The following SGMS1 variants were observed in gnomAD, a reference collection of about 807,000 sequenced individuals.
SGMS1 encodes the protein sphingomyelin synthase 1.
A neutral mutation model predicts 46.2 loss-of-function variants in SGMS1; 13 were observed. That is an observed-to-expected ratio of 0.28 (90% CI 0.18 to 0.45). SGMS1 has a LOEUF of 0.45. Among genes scored for constraint, SGMS1 ranks in the 20% least tolerant of loss-of-function variants. The pLI, the probability that SGMS1 is intolerant of heterozygous loss-of-function variation, is 1.00. For missense variants in SGMS1, 324 were observed against 519.9 expected (o/e 0.62, Z 3.66); for synonymous variants, 203 against 187.8 (o/e 1.08, Z -0.66).
At chr10:50,525,097 T>C (rs904417356) in intron 2 of SGMS1, among the ~76,000 whole-genome samples, 5 of 152,132 alleles carry the variant, frequency 3.3e-5, no homozygotes, top group African/African-American at 1.2e-4. Flanking sequence ...AGAAAAAGCA[T>C]TAAATCAAAG....
intron 6 of SGMS1, among the ~76,000 whole-genome samples, chr10:50,399,760 G>A (rs1461669177): frequency 4.6e-5 from 7 of 152,082 alleles, no homozygotes; most frequent in African/African-American, 9.7e-5. Context: ...CAGGCACGGC[G>A]GCTCACACCT....
At chr10:50,378,294 C>A (rs1232769310) in intron 6 of SGMS1, among the ~76,000 whole-genome samples, 1 of 152,146 alleles carries the variant, frequency 6.6e-6, no homozygotes, top group East Asian at 1.9e-4. Context: ...CAAAACAACT[C>A]TTTTTAAACT....
chr10:50,311,156 C>T, intron 9 of SGMS1, 106 bp downstream of exon 9: 2 of 1,356,144 alleles, frequency 1.5e-6, no homozygotes, highest in Non-Finnish European at 2.0e-6. Flanking sequence ...CCTGAAGCCT[C>T]CAGTCTTGCT....
At chr10:50,622,833 G>A (rs1838866760) in intron 1 of SGMS1, among the ~76,000 whole-genome samples, 1 of 152,238 alleles carries the variant, frequency 6.6e-6, no homozygotes, top group African/African-American at 2.4e-5. Flanking sequence ...CACTCTATCC[G>A]GCCCACGGGA....
intron 5 of SGMS1, among the ~76,000 whole-genome samples, chr10:50,448,111 T>G (rs1837048232): frequency 1.3e-5 from 2 of 152,126 alleles, no homozygotes; most frequent in Admixed American, 1.3e-4. Flanking sequence ...GAGCCTACTT[T>G]TGTCCCCACC....
intron 7 of SGMS1, chr10:50,334,835 T>C (rs1847689245): frequency 6.6e-6 from 1 of 152,166 alleles, no homozygotes; most frequent in Non-Finnish European, 1.5e-5. Flanking sequence ...GTTAGATAAG[T>C]GCTAAAGGGT....
At chr10:50,457,137 T>A (rs567264435) in intron 5 of SGMS1, among the ~76,000 whole-genome samples, 73 of 152,312 alleles carry the variant, frequency 4.8e-4, no homozygotes, top group Middle Eastern at 3.4e-3. Flanking sequence ...GGAATACTTA[T>A]AGCCACTAAA....
chr10:50,438,731 A>G (rs541998224), intron 5 of SGMS1, among the ~76,000 whole-genome samples: 93 of 152,188 alleles, frequency 6.1e-4, no homozygotes, highest in Non-Finnish European at 1.1e-3. Context: ...GAGGGGAGAA[A>G]GAGGAAGCCC....
chr10:50,443,632 T>C (rs1849572749), intron 5 of SGMS1, among the ~76,000 whole-genome samples: 1 of 151,932 alleles, frequency 6.6e-6, no homozygotes, highest in Non-Finnish European at 1.5e-5. Flanking sequence ...CTATAAGAAA[T>C]GCTGAAGGAA....
intron 5 of SGMS1, among the ~76,000 whole-genome samples, chr10:50,448,607 G>A (rs1022894800): frequency 3.0e-4 from 46 of 152,044 alleles, no homozygotes; most frequent in African/African-American, 1.1e-3. Flanking sequence ...AGCCGGGCGT[G>A]GTGGCGCATG....
chr10:50,424,385 A>G (rs1247658749), intron 6 of SGMS1, among the ~76,000 whole-genome samples: 2 of 152,072 alleles, frequency 1.3e-5, no homozygotes, highest in Non-Finnish European at 2.9e-5. Flanking sequence ...TGATTTATCA[A>G]TAGTATCTTC....
At chr10:50,464,375 A>G (rs181405883) in intron 4 of SGMS1, among the ~76,000 whole-genome samples, 99 of 152,324 alleles carry the variant, frequency 6.5e-4, no homozygotes, top group African/African-American at 2.3e-3. Flanking sequence ...CTAGAAGCTA[A>G]AAAATAAGAA....
At chr10:50,573,219 C>CGA (rs1838351097) in intron 2 of SGMS1, among the ~76,000 whole-genome samples, 1 of 152,078 alleles carries the variant, frequency 6.6e-6, no homozygotes. Context: ...CAATATGGTA[C>CGA]GAGACGTCCC....
Position 50,346,244 on chromosome 10 carries a change from T to C in SGMS1, c.-231-1899A>G, listed in dbSNP as rs374772149. 5.3e-5 allele frequency among the ~76,000 whole-genome samples: 8 copies of C among 152,356 alleles called. 1 individual carries two copies. Among genetic ancestry groups the C allele is most frequent in the African/African-American group, 1.7e-4 (7 of 41,590 alleles). ...ATGTGAAAGTTCATGAAACATAACCTAGCTCTAAAAGCAGTGATTTTCAGA... is the reference window on the plus strand; with the variant it reads ...ATGTGAAAGTTCATGAAACATAACCCAGCTCTAAAAGCAGTGATTTTCAGA... On this transcript the variant is annotated intron_variant, in intron 6 of 10. Coordinates refer to ENST00000361781, the MANE Select transcript of SGMS1 (RefSeq NM_147156.4).
intron 7 of SGMS1, chr10:50,334,785 G>C (rs1336261996): frequency 6.6e-6 from 1 of 152,214 alleles, no homozygotes; most frequent in Non-Finnish European, 1.5e-5. Flanking sequence ...GAAAGAGGCA[G>C]ACAATACACA....
At chr10:50,564,312 C>T (rs1838269404) in intron 2 of SGMS1, among the ~76,000 whole-genome samples, 1 of 152,228 alleles carries the variant, frequency 6.6e-6, no homozygotes, top group Admixed American at 6.5e-5. Context: ...TAGCAAATGT[C>T]TGTTTCCTGA....
At chr10:50,539,629 C>T (rs1838034630) in intron 2 of SGMS1, among the ~76,000 whole-genome samples, 1 of 152,190 alleles carries the variant, frequency 6.6e-6, no homozygotes, top group Admixed American at 6.5e-5. Context: ...GTTGTGGGGG[C>T]ATGAACCTGC....
At chr10:50,525,037 G>A (rs1837889045) in intron 2 of SGMS1, among the ~76,000 whole-genome samples, 1 of 152,146 alleles carries the variant, frequency 6.6e-6, no homozygotes, top group African/African-American at 2.4e-5. Context: ...GCAAAATAAT[G>A]TTTAAAAGAA....
intron 2 of SGMS1, among the ~76,000 whole-genome samples, chr10:50,550,661 T>G (rs3011791): frequency 6.6e-6 from 1 of 152,052 alleles, no homozygotes; most frequent in Non-Finnish European, 1.5e-5. Context: ...TACACCTGCT[T>G]CTCTGACCCC....
Sources: allele counts gnomAD v4.1 joint callset (sites outside exome capture counted in the v4.1 genomes callset), GRCh38; gene constraint gnomAD v4.1.1; transcripts MANE v1.5; gene names NCBI Gene and HGNC (gene_info 2026-07-23, HGNC 2026-07-21).